GRIK1: variants seen among roughly 807,000 people sequenced by gnomAD.
GRIK1 encodes glutamate ionotropic receptor kainate type subunit 1, also known as glutamate receptor ionotropic, kainate 1.
Under a neutral mutation model 105.7 loss-of-function variants are expected in GRIK1, and 69 were observed. The ratio of observed to expected loss-of-function variants is 0.65; its 90% CI spans 0.54 to 0.80. The LOEUF is 0.80. GRIK1 is among the 30% of genes least tolerant of loss of function. GRIK1 has a pLI of 0.00. For synonymous variants in GRIK1, 438 were observed against 431.3 expected (o/e 1.02, Z -0.19); for missense variants, 1,109 against 1,167.3 (o/e 0.95, Z 0.73).
At chr21:29,765,912 C>T (rs987866523) in intron 1 of GRIK1, among the ~76,000 whole-genome samples, 5 of 151,458 alleles carry the variant, frequency 3.3e-5, no homozygotes, top group African/African-American at 4.9e-5. Flanking sequence ...AGTGCAGTGG[C>T]GCGATCTCGG....
At chr21:29,666,129 C>T (rs546101654) in intron 4 of GRIK1, among the ~76,000 whole-genome samples, 5 of 152,298 alleles carry the variant, frequency 3.3e-5, no homozygotes, top group African/African-American at 1.2e-4. Flanking sequence ...ATAAGCCAGG[C>T]TTGGTGGCTC....
intron 1 of GRIK1, among the ~76,000 whole-genome samples, chr21:29,811,839 C>T (rs75473181): frequency 0.016 from 2,487 of 152,228 alleles, 64 homozygotes; most frequent in African/African-American, 0.056. Context: ...CTTGCTTCTC[C>T]GGGGTGTCAA....
chr21:29,891,802 T>A (rs2069909847), intron 1 of GRIK1, among the ~76,000 whole-genome samples: 1 of 152,204 alleles, frequency 6.6e-6, no homozygotes, highest in African/African-American at 2.4e-5. Context: ...AAAATTTATA[T>A]ACTAAGTATT....
chr21:29,907,296 T>C (rs1176551008), intron 1 of GRIK1, among the ~76,000 whole-genome samples: 1 of 152,100 alleles, frequency 6.6e-6, no homozygotes, highest in Non-Finnish European at 1.5e-5. Flanking sequence ...ATGTTGCAAA[T>C]TTTGAAAACT....
chr21:29,639,856 G>A (rs886117037), intron 7 of GRIK1, among the ~76,000 whole-genome samples: 1 of 152,088 alleles, frequency 6.6e-6, no homozygotes, highest in African/African-American at 2.4e-5. Context: ...GCAAATGCTC[G>A]GAGAGCTAAC....
intron 1 of GRIK1, among the ~76,000 whole-genome samples, chr21:29,868,021 AAAGAAAGGAAGG>A (rs1326711700): frequency 1.3e-4 from 20 of 148,848 alleles, no homozygotes; most frequent in East Asian, 1.0e-3. Context: ...GAAAAGACAG[AAAGAAAGGAAGG>A]AAGGAAGGAA....
intron 1 of GRIK1, among the ~76,000 whole-genome samples, chr21:29,809,728 C>A (rs913393428): frequency 2.0e-5 from 3 of 152,172 alleles, no homozygotes; most frequent in Admixed American, 1.3e-4. Flanking sequence ...TCGGCTTTTG[C>A]CATGTCTTCC....
intron 2 of GRIK1, among the ~76,000 whole-genome samples, chr21:29,692,441 T>C (rs2063602790): frequency 6.6e-6 from 1 of 152,228 alleles, no homozygotes; most frequent in Non-Finnish European, 1.5e-5. Context: ...AAATGCTGTA[T>C]AAGTATATAG....
Position 29,708,533 on chromosome 21 carries a change from T to C in GRIK1, c.119-14470A>G, listed in dbSNP as rs140776440. ...TCCGGTTCTTTCCCTTCGGAATACA[T>C]GCGTGGATTGTACCTAACATGGGGT... On this transcript the variant is annotated intron_variant, in intron 1 of 17. Coordinates refer to ENST00000327783, the MANE Select transcript of GRIK1 (RefSeq NM_001330994.2). 3.3e-5 allele frequency among the ~76,000 whole-genome samples: 5 copies of C among 152,352 alleles called. No individual in the cohort carries two copies. The East Asian group carries it at 9.6e-4, about 29-fold the overall frequency.
At chr21:29,554,988 C>T (rs762930208) in intron 16 of GRIK1, 64 bp downstream of exon 16, 23 of 1,368,946 alleles carry the variant, frequency 1.7e-5, no homozygotes, top group Non-Finnish European at 2.3e-5. Flanking sequence ...TCCTTAAAAA[C>T]CCCCAAACTT....
At chr21:29,816,236 C>G (rs1403789379) in intron 1 of GRIK1, among the ~76,000 whole-genome samples, 1 of 151,812 alleles carries the variant, frequency 6.6e-6, no homozygotes, top group Non-Finnish European at 1.5e-5. Context: ...CTAATCAAAA[C>G]CACAATGAGA....
rs1199186703 is a variant in GRIK1 at position 29,852,789 on chromosome 21, C to T, written c.118+86594G>A. Among the ~76,000 whole-genome samples the T allele has an allele frequency of 3.9e-5, 6 of 152,148 alleles. No homozygotes were observed. The South Asian group carries it at 6.2e-4, about 16-fold the overall frequency. On this transcript the variant is annotated intron_variant, in intron 1 of 17. Coordinates refer to ENST00000327783, the MANE Select transcript of GRIK1 (RefSeq NM_001330994.2). ...AGGAATAATTTTTTCCATCTTGGCA[C>T]TTGTGTCAAATTACTACATTTCAAA...
At chr21:29,848,779 A>ATATATATATATATATTTTTTTTTTTTTT in intron 1 of GRIK1, among the ~76,000 whole-genome samples, 3 of 77,884 alleles carry the variant, frequency 3.9e-5, no homozygotes, top group African/African-American at 1.8e-4. Context: ...ATATATATAT[A>ATATATATATATATATTTTTTTTTTTTTT]TTTTTTTTTT....
intron 1 of GRIK1, among the ~76,000 whole-genome samples, chr21:29,897,105 C>T (rs1212367878): frequency 6.6e-6 from 1 of 152,192 alleles, no homozygotes; most frequent in Non-Finnish European, 1.5e-5. Context: ...TGTGTGTGCA[C>T]ATACACACAA....
chr21:29,690,737 C>T (rs1248322858), intron 2 of GRIK1, among the ~76,000 whole-genome samples: 2 of 151,456 alleles, frequency 1.3e-5, no homozygotes, highest in African/African-American at 4.9e-5. Context: ...TTAGTTGTAA[C>T]ATAAATGTAT....
chr21:29,710,617 CTA>C (rs2064021333), intron 1 of GRIK1, among the ~76,000 whole-genome samples: 1 of 56,914 alleles, frequency 1.8e-5, no homozygotes, highest in Non-Finnish European at 3.9e-5. Flanking sequence ...TTATTTTAGA[CTA>C]TTATCTATTT....
At chr21:29,935,439 G>T (rs563126178) in intron 1 of GRIK1, among the ~76,000 whole-genome samples, 1 of 152,214 alleles carries the variant, frequency 6.6e-6, no homozygotes, top group East Asian at 1.9e-4. Flanking sequence ...AATGAAGAAT[G>T]AATATTAAAA....
intron 1 of GRIK1, among the ~76,000 whole-genome samples, chr21:29,722,940 A>G (rs2064358729): frequency 6.6e-6 from 1 of 152,252 alleles, no homozygotes; most frequent in East Asian, 1.9e-4. Flanking sequence ...ATTTGATCAT[A>G]GAAGATTTGT....
intron 1 of GRIK1, among the ~76,000 whole-genome samples, chr21:29,789,838 G>A (rs1016270846): frequency 3.9e-5 from 6 of 152,108 alleles, no homozygotes; most frequent in African/African-American, 1.4e-4. Flanking sequence ...AAGGTAATGG[G>A]GAAACCAGTG....
Sources: gnomAD v4.1 joint callset for allele counts (sites outside exome capture counted in the v4.1 genomes callset) on GRCh38, gnomAD v4.1.1 for gene constraint, MANE v1.5 for transcripts, NCBI Gene and HGNC (gene_info 2026-07-23, HGNC 2026-07-21) for gene names.